NTNG2: variants seen among roughly 807,000 people sequenced by gnomAD.
The protein encoded by NTNG2 is netrin G2.
NTNG2 carries 15 observed loss-of-function variants against 47.6 expected under a neutral mutation model. The observed-to-expected ratio is 0.32, with a 90% CI of 0.21 to 0.49. NTNG2 has a LOEUF of 0.49. NTNG2 is among the 20% of genes least tolerant of loss of function. The pLI is 0.99. For synonymous variants in NTNG2, 307 were observed against 324.6 expected (o/e 0.95, Z 0.58); for missense variants, 578 against 764.6 (o/e 0.76, Z 2.88).
chr9:132,222,832 G>T (rs769808940), intron 3 of NTNG2, among the ~76,000 whole-genome samples: 3 of 152,168 alleles, frequency 2.0e-5, no homozygotes, highest in Admixed American at 6.5e-5. Context: ...TAGGCCAGTC[G>T]CAATGGCTCA....
Position 132,166,644 on chromosome 9 carries a change from G to T in NTNG2, c.-188G>T, listed in dbSNP as rs1264426386. On this transcript the variant is annotated 5_prime_UTR_variant, in exon 2 of 8. Coordinates refer to ENST00000393229, the MANE Select transcript of NTNG2 (RefSeq NM_032536.4). ...GAGAAACGCTGGCTCTGAATTTTCC[G>T]TGTCGGCCTTTTGGAAACAACAAGT... The T allele has an allele frequency of 3.3e-6, 2 of 605,140 alleles. No homozygotes were observed. The highest frequency in any genetic ancestry group is 2.8e-5 in the East Asian group (1 of 36,136). The allele number at this position is 605,140 out of a possible 1,614,324, so 37.5% of individuals were successfully genotyped here.
chr9:132,162,902 A>AG lies in NTNG2; in HGVS notation c.-484+665dup, dbSNP rs1470091872. 6.6e-6 allele frequency among the ~76,000 whole-genome samples: 1 copy of AG among 151,934 alleles called. No individual in the cohort carries two copies. The highest frequency in any genetic ancestry group is 1.5e-5 in the Non-Finnish European group (1 of 67,984). On this transcript the variant is annotated intron_variant, in intron 1 of 7. Transcript: ENST00000393229. This position sits in a 1 kb window ranked among gnomAD's most constrained non-coding sequence, Gnocchi z 4.6. ...TCGAACCTGGAACTGAGCGGCGCGC[A>AG]GGTGGGGGGAGCAGAGGCGGCGGGA...
rs1208866173 is a variant in NTNG2, at chr9:132,218,010, G to A, written c.858-8839G>A. On this transcript the variant is annotated intron_variant, in intron 3 of 7. Transcript: ENST00000393229. This position sits in a 1 kb window ranked among gnomAD's most constrained non-coding sequence, Gnocchi z 5.4. ...TCGCTCCTCAGGGCCAGTGTCACTG[G>A]TGTGCGTGGCAGCCTGTGGCATACA... is the stretch of plus-strand genomic sequence containing the variant. Among the ~76,000 whole-genome samples, 1 of 152,204 alleles carries A rather than the reference G, an allele frequency of 6.6e-6. No homozygotes were observed. The highest frequency in any genetic ancestry group is 1.5e-5 in the Non-Finnish European group (1 of 68,034).
chr9:132,213,440 A>G (rs1839753441), intron 3 of NTNG2, among the ~76,000 whole-genome samples: 1 of 149,970 alleles, frequency 6.7e-6, no homozygotes, highest in South Asian at 2.1e-4. Context: ...ACGGCCACCC[A>G]CCGGCTGGGG....
In NTNG2 at chr9:132,236,762, G is replaced by A. The variant is rs1435412976; in HGVS notation, c.1055-2342G>A. 1.3e-5 allele frequency among the ~76,000 whole-genome samples: 2 copies of A among 152,232 alleles called. No homozygotes were observed. The highest frequency in any genetic ancestry group is 2.9e-5 in the Non-Finnish European group (2 of 68,046). ...GAAGCCAAGGTAGTGACGATCCCGG[G>A]ACAGTGGCCTGCTCACCCACAGATA... On this transcript the variant is annotated intron_variant, in intron 5 of 7. Transcript: ENST00000393229. This position sits in a 1 kb window ranked among gnomAD's most constrained non-coding sequence, Gnocchi z 4.3.
At chr9:132,178,456 T>C (rs972984505) in intron 2 of NTNG2, among the ~76,000 whole-genome samples, 2 of 152,074 alleles carry the variant, frequency 1.3e-5, no homozygotes, top group South Asian at 4.1e-4. Context: ...GACACACAAC[T>C]TAGAAGGCAT....
chr9:132,189,609 C>T (rs1359411459), intron 2 of NTNG2, among the ~76,000 whole-genome samples: 1 of 151,856 alleles, frequency 6.6e-6, no homozygotes, highest in Non-Finnish European at 1.5e-5. Context: ...TAACCTTCCG[C>T]TTCTGTGGTT....
chr9:132,225,201 A>G (rs1314630666), intron 3 of NTNG2, among the ~76,000 whole-genome samples: 2 of 151,688 alleles, frequency 1.3e-5, no homozygotes, highest in Non-Finnish European at 2.9e-5. Context: ...ACAGGCATAA[A>G]CCACCATGGC....
At chr9:132,217,802 G>A (rs1261135085) in intron 3 of NTNG2, among the ~76,000 whole-genome samples, 2 of 152,188 alleles carry the variant, frequency 1.3e-5, no homozygotes, top group East Asian at 3.8e-4. Context: ...CTTTCCTGAG[G>A]TCACACAGTC....
rs1049227627 is a variant in NTNG2 at position 132,226,027 on chromosome 9, T to C, written c.858-822T>C. ...GGCTTCGGGTGGGGGTGTGTTCTTC[T>C]AGAGACGCTCACTGTCTGCTGGCCT... On this transcript the variant is annotated intron_variant, in intron 3 of 7. Transcript: ENST00000393229. This position sits in a 1 kb window ranked among gnomAD's most constrained non-coding sequence, Gnocchi z 4.8. Among the ~76,000 whole-genome samples the C allele has an allele frequency of 6.6e-6, 1 of 152,110 alleles. No homozygotes were observed. Among genetic ancestry groups the C allele is most frequent in the African/African-American group, 2.4e-5 (1 of 41,424 alleles).
At chr9:132,240,538 C>T (rs1216778513) in intron 6 of NTNG2, 1 of 364,968 alleles carries the variant, frequency 2.7e-6, no homozygotes, top group Non-Finnish European at 5.2e-6. Flanking sequence ...CAGCCCCAGA[C>T]ATGCTCAGTG....
At chr9:132,219,469 A>G (rs1232242076) in intron 3 of NTNG2, among the ~76,000 whole-genome samples, 2 of 150,648 alleles carry the variant, frequency 1.3e-5, no homozygotes, top group African/African-American at 2.4e-5. Flanking sequence ...GCTACTTAGC[A>G]GGCTGAGGCA....
At chr9:132,179,161 C>T (rs1230986738) in intron 2 of NTNG2, among the ~76,000 whole-genome samples, 5 of 151,994 alleles carry the variant, frequency 3.3e-5, no homozygotes, top group Non-Finnish European at 7.4e-5. Flanking sequence ...CCTCCCCAAC[C>T]AGGTCTCTGT....
At chr9:132,217,064 A>G (rs539757596) in intron 3 of NTNG2, among the ~76,000 whole-genome samples, 1 of 152,278 alleles carries the variant, frequency 6.6e-6, no homozygotes, top group African/African-American at 2.4e-5. Context: ...CTCTAGTGCC[A>G]TGCAGCCCCG....
rs374698161 is a variant in NTNG2 at position 132,188,657 on chromosome 9, G to A, written c.214-9309G>A. On this transcript the variant is annotated intron_variant, in intron 2 of 7. Transcript: ENST00000393229. ...TCCCTAACGGCGGGGCCTGCTGTTT[G>A]CTGAAGCACCAGGCCAGACAGTGGC... is the stretch of plus-strand genomic sequence containing the variant. Among the ~76,000 whole-genome samples, 515 of 152,292 alleles carry A rather than the reference G, an allele frequency of 3.4e-3. 7 individuals are homozygous for A. Among genetic ancestry groups the A allele is most frequent in the African/African-American group, 0.011 (471 of 41,548 alleles).
At chr9:132,181,363 C>T (rs1307856333) in intron 2 of NTNG2, among the ~76,000 whole-genome samples, 10 of 151,382 alleles carry the variant, frequency 6.6e-5, no homozygotes, top group Non-Finnish European at 1.5e-4. Context: ...CTCTGTCACC[C>T]AGGCTGGAGG....
chr9:132,194,271 C>T (rs1051189883), intron 2 of NTNG2, among the ~76,000 whole-genome samples: 2 of 152,188 alleles, frequency 1.3e-5, no homozygotes, highest in African/African-American at 2.4e-5. Context: ...GCCCATCACT[C>T]CTCCTCCCGA....
chr9:132,235,477 A>G (rs1406075571), intron 5 of NTNG2, among the ~76,000 whole-genome samples: 1 of 151,470 alleles, frequency 6.6e-6, no homozygotes, highest in Non-Finnish European at 1.5e-5. Context: ...GATGCTGCCT[A>G]TGTAGTAGAT....
intron 7 of NTNG2, chr9:132,241,321 CG>C: frequency 1.2e-5 from 5 of 423,614 alleles, no homozygotes; most frequent in Non-Finnish European, 1.7e-5. Flanking sequence ...GGGGCCGACC[CG>C]GGGGCGGTGG....
Sources: gnomAD v4.1 joint callset for allele counts (sites outside exome capture counted in the v4.1 genomes callset) on GRCh38, gnomAD v4.1.1 for gene constraint, Gnocchi (gnomAD v3.1) non-coding constraint, MANE v1.5 for transcripts, NCBI Gene and HGNC (gene_info 2026-07-23, HGNC 2026-07-21) for gene names.